The following SLC9A7 variants were observed in gnomAD, a reference collection of about 807,000 sequenced individuals.
SLC9A7 encodes the protein solute carrier family 9 member A7.
In SLC9A7, 19 loss-of-function variants were observed where a neutral mutation model predicts 52.6. The ratio of observed to expected loss-of-function variants is 0.36; its 90% confidence interval spans 0.25 to 0.53. The LOEUF (loss-of-function observed/expected upper bound fraction) is 0.53, where lower values mean the gene tolerates loss of function less well. SLC9A7 is among the 20% of genes least tolerant of loss of function. The pLI is 0.91. For missense variants in SLC9A7, 455 were observed against 597.9 expected, an observed-to-expected ratio of 0.76 and a Z score of 2.49; for synonymous variants, 226 against 252.1, an observed-to-expected ratio of 0.90 and a Z score of 0.98.
chrX:46,660,285 A>T lies in SLC9A7; in HGVS notation c.1041+1731T>A, dbSNP rs748468938. On this transcript the variant is annotated intron_variant, in intron 7 of 16. Coordinates refer to ENST00000616978, the MANE Select transcript of SLC9A7 (RefSeq NM_001257291.2). ...AAAAACCCTAGAAGAAAACCTAGGC[A>T]TTACCATTCAGGACATAGGCATGGG... 5.2e-4 allele frequency among the ~76,000 whole-genome samples: 58 copies of T among 111,735 alleles called. No individual in the cohort carries two copies. The East Asian group carries it at 0.016, about 30-fold the overall frequency.
intron 1 of SLC9A7, among the ~76,000 whole-genome samples, chrX:46,756,430 G>T (rs900138151): frequency 8.9e-6 from 1 of 112,162 alleles, no homozygotes; most frequent in Non-Finnish European, 1.9e-5. Context: ...ACATCATGTT[G>T]TACATCTTAA....
chrX:46,705,925 C>T (rs767891093), intron 1 of SLC9A7, among the ~76,000 whole-genome samples: 2 of 110,604 alleles, frequency 1.8e-5, no homozygotes, highest in Non-Finnish European at 3.8e-5. Flanking sequence ...CAGGTTCACA[C>T]AAATAGATCC....
At chrX:46,648,605 G>T in intron 11 of SLC9A7, 81 bp downstream of exon 11, 1 of 742,359 alleles carries the variant, frequency 1.3e-6, no homozygotes, top group South Asian at 2.4e-5. Context: ...GTCTTTTTAT[G>T]AACCTTATCA....
intron 1 of SLC9A7, among the ~76,000 whole-genome samples, chrX:46,709,958 A>G (rs1055343091): frequency 8.9e-5 from 10 of 112,361 alleles, no homozygotes; most frequent in Non-Finnish European, 1.7e-4. Context: ...GAAATGGCTC[A>G]ACTGATGAGT....
intron 13 of SLC9A7, among the ~76,000 whole-genome samples, chrX:46,633,570 C>T (rs1027198775): frequency 1.8e-5 from 2 of 109,052 alleles, no homozygotes; most frequent in African/African-American, 6.7e-5. Context: ...GAGCCCAGAA[C>T]CAAACTGATC....
intron 1 of SLC9A7, among the ~76,000 whole-genome samples, chrX:46,702,384 T>C (rs1325099927): frequency 8.9e-6 from 1 of 111,880 alleles, no homozygotes; most frequent in Non-Finnish European, 1.9e-5. Flanking sequence ...ATGGATCCTG[T>C]CACCCAGGTA....
chrX:46,705,953 T>C (rs1434311421), intron 1 of SLC9A7, among the ~76,000 whole-genome samples: 4 of 110,441 alleles, frequency 3.6e-5, no homozygotes, highest in African/African-American at 1.3e-4. Context: ...CTCTGAAAAG[T>C]TTTACACCCA....
At chrX:46,648,916 G>T in intron 10 of SLC9A7, 119 bp from the exon 11 acceptor site, 1 of 489,389 alleles carries the variant, frequency 2.0e-6, no homozygotes, top group Non-Finnish European at 3.4e-6. Flanking sequence ...CCAGAGAGCT[G>T]CCCAAAGAAG....
intron 1 of SLC9A7, among the ~76,000 whole-genome samples, chrX:46,697,872 G>A (rs887698797): frequency 8.9e-6 from 1 of 111,861 alleles, no homozygotes; most frequent in African/African-American, 3.3e-5. Flanking sequence ...TCTCAGCAAG[G>A]AACATCCCTG....
At chrX:46,738,091 GAA>G (rs1162670953) in intron 1 of SLC9A7, among the ~76,000 whole-genome samples, 6 of 62,578 alleles carry the variant, frequency 9.6e-5, no homozygotes, top group African/African-American at 2.1e-4. Flanking sequence ...AAGAAAGAAA[GAA>G]AGAAAGAAAG....
At chrX:46,716,371 G>C (rs1944769293) in intron 1 of SLC9A7, among the ~76,000 whole-genome samples, 1 of 111,797 alleles carries the variant, frequency 8.9e-6, no homozygotes, top group Non-Finnish European at 1.9e-5. Context: ...AACCAAGAAA[G>C]GAATCCCTAT....
chrX:46,671,408 C>G (rs1447823762), intron 4 of SLC9A7, among the ~76,000 whole-genome samples: 1 of 109,338 alleles, frequency 9.1e-6, no homozygotes, highest in Non-Finnish European at 1.9e-5. Flanking sequence ...CTACAGGCGC[C>G]CGCCACCACT....
chrX:46,714,055 C>T (rs1221134093), intron 1 of SLC9A7, among the ~76,000 whole-genome samples: 1 of 111,255 alleles, frequency 9.0e-6, no homozygotes, highest in Non-Finnish European at 1.9e-5. Flanking sequence ...AGAAAAAGTA[C>T]ATTTTAGTAT....
intron 1 of SLC9A7, among the ~76,000 whole-genome samples, chrX:46,707,721 G>A (rs1454582177): frequency 8.9e-6 from 1 of 112,159 alleles, no homozygotes; most frequent in Non-Finnish European, 1.9e-5. Context: ...ATTGAGCCAG[G>A]TGTGGTGACA....
intron 14 of SLC9A7, among the ~76,000 whole-genome samples, chrX:46,628,018 A>G (rs1471957919): frequency 8.9e-6 from 1 of 112,873 alleles, no homozygotes; most frequent in Non-Finnish European, 1.9e-5. Context: ...ACACACAGAC[A>G]GACACGCACA....
At position 46,759,111 on chromosome X, in the gene SLC9A7, G is replaced by C. The variant is rs1556295421; in HGVS notation, c.-82C>G. 1.6e-6 allele frequency: 1 copy of C among 624,835 alleles called. No homozygotes were observed. The highest frequency in any genetic ancestry group is 2.0e-6 in the Non-Finnish European group (1 of 488,891). 51.5% of individuals were successfully genotyped at this position (624,835 alleles called of 1,213,427 possible). A position where few individuals can be genotyped will look rare whatever the true frequency, so the allele number is the denominator to read the frequency against. On this transcript the variant is annotated 5_prime_UTR_variant, in exon 1 of 17. Coordinates refer to ENST00000616978, the MANE Select transcript of SLC9A7 (RefSeq NM_001257291.2). ...CGGGTTCTGGCAGCACCGCGGACCT[G>C]CCGGAGTGGCCGTGGCCGCTGCAGC...
intron 1 of SLC9A7, among the ~76,000 whole-genome samples, chrX:46,737,294 G>A (rs1463957562): frequency 8.9e-6 from 1 of 111,864 alleles, no homozygotes; most frequent in African/African-American, 3.3e-5. Context: ...GCCTGTAAGA[G>A]GGCAAGAAAT....
At chrX:46,719,579 T>C (rs1226603574) in intron 1 of SLC9A7, among the ~76,000 whole-genome samples, 1 of 111,783 alleles carries the variant, frequency 8.9e-6, no homozygotes, top group Non-Finnish European at 1.9e-5. Flanking sequence ...AGGAAAACCA[T>C]AGAAAATAAG....
At chrX:46,651,022 T>C in intron 10 of SLC9A7, 88 bp downstream of exon 10, 1 of 314,751 alleles carries the variant, frequency 3.2e-6, no homozygotes, top group South Asian at 1.2e-4. Flanking sequence ...ATTGTTATTT[T>C]ATATTATTAT....
Sources: gnomAD v4.1 joint callset for allele counts (sites outside exome capture counted in the v4.1 genomes callset) on GRCh38, gnomAD v4.1.1 for gene constraint, MANE v1.5 for transcripts, NCBI Gene and HGNC (gene_info 2026-07-23, HGNC 2026-07-21) for gene names.